Variants in CCDC91 observed in about 807,000 individuals in gnomAD.
CCDC91 encodes coiled-coil domain-containing protein 91.
CCDC91 carries 48 observed loss-of-function variants against 63.2 expected under a neutral mutation model. The ratio of observed to expected loss-of-function variants is 0.76; its 90% CI spans 0.60 to 0.97. CCDC91 has a LOEUF of 0.97. Ranked by LOEUF, CCDC91 falls within the 50% of genes least tolerant of loss-of-function variation. The pLI is 0.00. For missense variants in CCDC91, 500 were observed against 494.6 expected (o/e 1.01, Z -0.10); for synonymous variants, 167 against 165.8 (o/e 1.01, Z -0.06).
At chr12:28,521,272 T>G (rs1258231805) in intron 12 of CCDC91, among the ~76,000 whole-genome samples, 3 of 152,174 alleles carry the variant, frequency 2.0e-5, no homozygotes, top group African/African-American at 7.2e-5. Flanking sequence ...TAGTTCTCCT[T>G]GAAGAGGTCC....
At chr12:28,499,815 G>T (rs979486887) in intron 12 of CCDC91, among the ~76,000 whole-genome samples, 2 of 152,116 alleles carry the variant, frequency 1.3e-5, no homozygotes, top group Non-Finnish European at 2.9e-5. Flanking sequence ...ATGTGTGCAT[G>T]TGTCTTTATA....
At chr12:28,452,308 G>A (rs1230807269) in intron 10 of CCDC91, among the ~76,000 whole-genome samples, 170 bp from the exon 11 acceptor site, 1 of 151,474 alleles carries the variant, frequency 6.6e-6, no homozygotes, top group Non-Finnish European at 1.5e-5. Context: ...GTATAAAAAA[G>A]AATAATAGAT....
chr12:28,333,418 A>T (rs984538757), intron 6 of CCDC91, among the ~76,000 whole-genome samples: 2 of 150,102 alleles, frequency 1.3e-5, no homozygotes, highest in Admixed American at 6.6e-5. Flanking sequence ...AAAAAAAATT[A>T]AATAAACAAT....
At chr12:28,241,530 G>A (rs114785641) in intron 1 of CCDC91, among the ~76,000 whole-genome samples, 23 of 152,132 alleles carry the variant, frequency 1.5e-4, no homozygotes, top group African/African-American at 5.5e-4. Flanking sequence ...AACTCTCTCA[G>A]GTAATCTAAT....
chr12:28,308,239 T>C (rs1438126346), intron 6 of CCDC91, among the ~76,000 whole-genome samples: 1 of 152,056 alleles, frequency 6.6e-6, no homozygotes, highest in African/African-American at 2.4e-5. Context: ...TTACTCAATG[T>C]CTGTTTCTTT....
At chr12:28,545,781 TTA>T (rs892549582) in intron 12 of CCDC91, among the ~76,000 whole-genome samples, 1 of 152,044 alleles carries the variant, frequency 6.6e-6, no homozygotes, top group South Asian at 2.1e-4. Flanking sequence ...TTTTTTGTCC[TTA>T]TATATATATC....
chr12:28,224,634 G>T (rs1235862738), intron 1 of CCDC91, among the ~76,000 whole-genome samples: 1 of 152,084 alleles, frequency 6.6e-6, no homozygotes, highest in Non-Finnish European at 1.5e-5. Flanking sequence ...CAACAGGGAG[G>T]GTTTGCATCT....
chr12:28,286,301 A>G (rs1265452232), intron 3 of CCDC91, among the ~76,000 whole-genome samples: 1 of 152,046 alleles, frequency 6.6e-6, no homozygotes, highest in African/African-American at 2.4e-5. Flanking sequence ...TGTACAGATT[A>G]TTTCATCACC....
rs1464165167 is a variant in CCDC91, at chr12:28,396,737, T to C, written c.762+5326T>C. On this transcript the variant is annotated intron_variant, in intron 8 of 12. Coordinates refer to ENST00000536442, the MANE Select transcript of CCDC91 (RefSeq NM_018318.5). The stretch of plus-strand genomic sequence containing the variant: ...CATATATTTTATATATATAAGTATG[T>C]TTTTATGTAATAGAATATATTTTTC... Among the ~76,000 whole-genome samples, 17 of 151,956 alleles carry C rather than the reference T, an allele frequency of 1.1e-4. 1 individual carries two copies. Among genetic ancestry groups the C allele is most frequent in the Admixed American group, 7.9e-4 (12 of 15,228 alleles).
In CCDC91 at chr12:28,232,395, A is replaced by G. The variant is rs111492179; in HGVS notation, c.-14-24807A>G. On this transcript the variant is annotated intron_variant, in intron 1 of 12. Coordinates refer to ENST00000536442, the MANE Select transcript of CCDC91 (RefSeq NM_018318.5). ...GGGTTTCAGTTTGAATATTGCAGGT[A>G]CCATGAAGTCTTTTCTTGTAGCTAT... is the stretch of plus-strand genomic sequence containing the variant. Among the ~76,000 whole-genome samples the G allele has an allele frequency of 1.0e-3, 155 of 152,182 alleles. 1 individual carries two copies. Among genetic ancestry groups the G allele is most frequent in the African/African-American group, 3.4e-3 (140 of 41,528 alleles).
At chr12:28,287,661 T>G (rs1175921488) in intron 3 of CCDC91, among the ~76,000 whole-genome samples, 1 of 152,172 alleles carries the variant, frequency 6.6e-6, no homozygotes, top group Non-Finnish European at 1.5e-5. Context: ...TCCAGTTTTG[T>G]TTTCTTTGCT....
intron 12 of CCDC91, among the ~76,000 whole-genome samples, chr12:28,526,740 T>G (rs1199101067): frequency 1.3e-5 from 2 of 152,058 alleles, no homozygotes; most frequent in African/African-American, 4.8e-5. Flanking sequence ...GGAACACCGA[T>G]TATTCTTAGG....
intron 6 of CCDC91, among the ~76,000 whole-genome samples, chr12:28,359,522 T>TA (rs1383374703): frequency 6.6e-6 from 1 of 152,180 alleles, no homozygotes; most frequent in African/African-American, 2.4e-5. Context: ...CAGATAAGTT[T>TA]AAAAAATCCT....
chr12:28,340,828 AC>A (rs1428815942), intron 6 of CCDC91, among the ~76,000 whole-genome samples: 1 of 151,568 alleles, frequency 6.6e-6, no homozygotes, highest in Non-Finnish European at 1.5e-5. Flanking sequence ...GCTTAATTAG[AC>A]CCCCTGCCTA....
At chr12:28,262,554 G>A in intron 3 of CCDC91, among the ~76,000 whole-genome samples, 1 of 151,924 alleles carries the variant, frequency 6.6e-6, no homozygotes, top group South Asian at 2.1e-4. Flanking sequence ...CTGTCAATGG[G>A]TTGAGGTGCC....
chr12:28,335,464 A>G (rs1287107373), intron 6 of CCDC91, among the ~76,000 whole-genome samples: 3 of 149,150 alleles, frequency 2.0e-5, no homozygotes, highest in Non-Finnish European at 3.0e-5. Flanking sequence ...CTGGAGCGCA[A>G]TGGTGTGATC....
In CCDC91 at chr12:28,417,062, A is replaced by T. The variant is rs532878275; in HGVS notation, c.762+25651A>T. ...CTTTCTAGCATTTGCTGTGTCTGTG[A>T]TGTTCAGTCCATTGAATAATGGCAG... On this transcript the variant is annotated intron_variant, in intron 8 of 12. Coordinates refer to ENST00000536442, the MANE Select transcript of CCDC91 (RefSeq NM_018318.5). Among the ~76,000 whole-genome samples the T allele has an allele frequency of 2.6e-5, 4 of 152,172 alleles. No individual in the cohort carries two copies. The South Asian group carries it at 8.3e-4, about 32-fold the overall frequency.
intron 7 of CCDC91, among the ~76,000 whole-genome samples, chr12:28,373,774 G>A (rs184285445): frequency 1.5e-3 from 221 of 152,152 alleles, no homozygotes; most frequent in Admixed American, 1.3e-3. Flanking sequence ...CCTACATGTC[G>A]TGACAGGGAC....
intron 8 of CCDC91, among the ~76,000 whole-genome samples, chr12:28,418,957 T>C (rs1362208518): frequency 2.0e-5 from 3 of 152,186 alleles, no homozygotes; most frequent in South Asian, 4.1e-4. Context: ...TTAATTATAA[T>C]GTTTAATGAG....
Sources: gnomAD v4.1 joint callset for allele counts (sites outside exome capture counted in the v4.1 genomes callset) on GRCh38, gnomAD v4.1.1 for gene constraint, MANE v1.5 for transcripts, NCBI Gene and HGNC (gene_info 2026-07-23, HGNC 2026-07-21) for gene names.